EML4: variants seen among roughly 807,000 people sequenced by gnomAD.
EML4 encodes echinoderm microtubule-associated protein-like 4.
In EML4, 72 loss-of-function variants were observed where a neutral mutation model predicts 129.0. That is an observed-to-expected ratio of 0.56 (90% confidence interval 0.46 to 0.68). The LOEUF (loss-of-function observed/expected upper bound fraction) is 0.68, where lower values mean the gene tolerates loss of function less well. Among genes scored for constraint, EML4 ranks in the 30% least tolerant of loss-of-function variants. The probability of loss-of-function intolerance (pLI) is 0.00; values close to 1 mark genes in which losing one functional copy is unlikely to be tolerated. For synonymous variants in EML4, 532 were observed against 405.0 expected, an observed-to-expected ratio of 1.31 and a Z score of -3.77; for missense variants, 1,363 against 1,190.6, an observed-to-expected ratio of 1.14 and a Z score of -2.13.
chr2:42,226,097 T>C (rs1049496011), intron 1 of EML4, among the ~76,000 whole-genome samples: 3 of 152,300 alleles, frequency 2.0e-5, no homozygotes, highest in Non-Finnish European at 4.4e-5. Flanking sequence ...CCATTGTTCA[T>C]GCCGTAGACA....
At chr2:42,176,009 T>TC (rs1670580696) in intron 1 of EML4, among the ~76,000 whole-genome samples, 1 of 151,790 alleles carries the variant, frequency 6.6e-6, no homozygotes, top group African/African-American at 2.4e-5. Flanking sequence ...TTTTTTTTTT[T>TC]CCCACTTGAA....
At chr2:42,303,062 C>T (rs1245019819) in intron 14 of EML4, 42 bp from the exon 15 acceptor site, 1 of 1,588,564 alleles carries the variant, frequency 6.3e-7, no homozygotes, top group Non-Finnish European at 8.6e-7. Flanking sequence ...GTAATTAATG[C>T]ATATTAGTAT....
intron 6 of EML4, among the ~76,000 whole-genome samples, chr2:42,279,709 C>T (rs1242400424): frequency 2.6e-5 from 4 of 152,018 alleles, no homozygotes; most frequent in Non-Finnish European, 5.9e-5. Context: ...CTCCTGACCT[C>T]ATGATCTGCC....
At chr2:42,254,748 A>T (rs1182153683) in intron 2 of EML4, among the ~76,000 whole-genome samples, 1 of 152,168 alleles carries the variant, frequency 6.6e-6, no homozygotes, top group Admixed American at 6.5e-5. Context: ...AATAAGTTGA[A>T]CATACAACAA....
At chr2:42,291,341 TA>T (rs1359382298) in intron 11 of EML4, among the ~76,000 whole-genome samples, 2 of 150,706 alleles carry the variant, frequency 1.3e-5, no homozygotes, top group African/African-American at 4.9e-5. Context: ...TATAAAGTAC[TA>T]ACCATAATGG....
At chr2:42,315,482 A>G (rs1315942971) in intron 17 of EML4, among the ~76,000 whole-genome samples, 1 of 152,198 alleles carries the variant, frequency 6.6e-6, no homozygotes, top group Non-Finnish European at 1.5e-5. Context: ...ATTTATGTAT[A>G]TTTTATCTAG....
At chr2:42,262,723 C>G (rs764327503) in intron 4 of EML4, among the ~76,000 whole-genome samples, 3 of 152,020 alleles carry the variant, frequency 2.0e-5, no homozygotes, top group African/African-American at 7.2e-5. Flanking sequence ...AAGATATAAA[C>G]AAGAGTTTAT....
At chr2:42,228,517 A>G (rs914423508) in intron 1 of EML4, among the ~76,000 whole-genome samples, 7 of 152,232 alleles carry the variant, frequency 4.6e-5, no homozygotes, top group African/African-American at 9.6e-5. Context: ...CATTTGGAAT[A>G]TAGCTGTAGT....
intron 2 of EML4, among the ~76,000 whole-genome samples, chr2:42,251,017 C>T (rs1675732132): frequency 6.6e-6 from 1 of 152,152 alleles, no homozygotes; most frequent in Non-Finnish European, 1.5e-5. Flanking sequence ...TCTAATACCG[C>T]CACTGATCTG....
intron 1 of EML4, among the ~76,000 whole-genome samples, chr2:42,209,177 C>T (rs565306630): frequency 6.6e-6 from 1 of 152,204 alleles, no homozygotes; most frequent in Admixed American, 6.5e-5. Flanking sequence ...AAACTCAAGG[C>T]CCTATATAGC....
At chr2:42,201,562 G>A (rs1248212910) in intron 1 of EML4, among the ~76,000 whole-genome samples, 1 of 152,128 alleles carries the variant, frequency 6.6e-6, no homozygotes, top group Non-Finnish European at 1.5e-5. Flanking sequence ...ATGTTCATTG[G>A]AGCATTTTTC....
chr2:42,263,321 T>G lies in EML4; in HGVS notation c.641+15T>G, dbSNP rs1356111670. On this transcript the variant is annotated intron_variant, in intron 5 of 22. Transcript: ENST00000318522. Reference sequence around the variant, plus strand: ...ACTGCAGACAAGTAAGTATTGCACTTTCTTCATTATATCTGAAAAGTAATA... The same window carrying G: ...ACTGCAGACAAGTAAGTATTGCACTGTCTTCATTATATCTGAAAAGTAATA... 1.2e-6 allele frequency: 2 copies of G among 1,604,334 alleles called. No homozygotes were observed. The highest frequency in any genetic ancestry group is 1.7e-5 in the Admixed American group (1 of 58,442).
chr2:42,298,353 A>G (rs970115372), intron 13 of EML4, among the ~76,000 whole-genome samples: 2 of 152,192 alleles, frequency 1.3e-5, no homozygotes, highest in East Asian at 3.8e-4. Context: ...TTTGTGATTA[A>G]GTTTGGATGG....
chr2:42,259,319 C>A (rs988268061), intron 3 of EML4, among the ~76,000 whole-genome samples: 1 of 151,920 alleles, frequency 6.6e-6, no homozygotes, highest in Non-Finnish European at 1.5e-5. Flanking sequence ...CTTTTCATCA[C>A]TGGAATTCAA....
At chr2:42,187,187 G>A (rs112623685) in intron 1 of EML4, among the ~76,000 whole-genome samples, 18 of 151,758 alleles carry the variant, frequency 1.2e-4, no homozygotes, top group African/African-American at 3.6e-4. Flanking sequence ...GGGACTATAG[G>A]CACACACCAC....
chr2:42,260,488 T>G (rs1006624973), intron 3 of EML4, among the ~76,000 whole-genome samples: 1 of 152,218 alleles, frequency 6.6e-6, no homozygotes, highest in Non-Finnish European at 1.5e-5. Context: ...TTTTAAATTG[T>G]GTCACTCACA....
Position 42,301,411 on chromosome 2 carries a change from T to A in EML4, c.1641+19T>A. ...AATAGAGGTAAGGATGGAAACGGAATATAAAAATATTAAATACTCTAAACT... is the reference window on the plus strand; with the variant it reads ...AATAGAGGTAAGGATGGAAACGGAAAATAAAAATATTAAATACTCTAAACT... On this transcript the variant is annotated intron_variant, in intron 14 of 22. Coordinates refer to ENST00000318522, the MANE Select transcript of EML4 (RefSeq NM_019063.5). 1 of 1,585,492 alleles carries A rather than the reference T, an allele frequency of 6.3e-7. No individual in the cohort carries two copies. The highest frequency in any genetic ancestry group is 2.3e-5 in the East Asian group (1 of 43,860).
intron 7 of EML4, 87 bp from the exon 8 acceptor site, chr2:42,282,736 C>T: frequency 8.5e-7 from 1 of 1,180,794 alleles, no homozygotes; most frequent in South Asian, 1.3e-5. Flanking sequence ...TTCATTGTAC[C>T]TTCCTAATTC....
intron 20 of EML4, among the ~76,000 whole-genome samples, chr2:42,325,773 T>C (rs914690653): frequency 3.3e-5 from 5 of 151,336 alleles, no homozygotes; most frequent in Non-Finnish European, 7.4e-5. Context: ...ATCTCAAATG[T>C]GATTCACTTC....
Sources: allele counts gnomAD v4.1 joint callset (sites outside exome capture counted in the v4.1 genomes callset), GRCh38; gene constraint gnomAD v4.1.1; transcripts MANE v1.5; gene names NCBI Gene and HGNC (gene_info 2026-07-23, HGNC 2026-07-21).